Variants in PPM1G observed in about 807,000 individuals in gnomAD.
PPM1G encodes protein phosphatase, Mg2+/Mn2+ dependent 1G, also known as protein phosphatase 1G.
PPM1G carries 12 observed loss-of-function variants against 59.4 expected under a neutral mutation model. The observed-to-expected ratio is 0.20, with a 90% CI of 0.13 to 0.33. PPM1G has a LOEUF of 0.33. Among genes scored for constraint, PPM1G ranks in the 10% least tolerant of loss-of-function variants. The probability of loss-of-function intolerance (pLI) is 1.00; values close to 1 mark genes in which losing one functional copy is unlikely to be tolerated. For synonymous variants in PPM1G, 245 were observed against 251.9 expected, an observed-to-expected ratio of 0.97 and a Z score of 0.26; for missense variants, 392 against 681.3, an observed-to-expected ratio of 0.58 and a Z score of 4.73.
chr2:27,386,380 G>A (rs1159988819), intron 2 of PPM1G, 101 bp from the exon 3 acceptor site: 1 of 846,146 alleles, frequency 1.2e-6, no homozygotes, highest in Non-Finnish European at 2.0e-6. Context: ...CAAGGGTTGA[G>A]GGGATAAATA....
chr2:27,405,184 C>T (rs1285684665), intron 1 of PPM1G, among the ~76,000 whole-genome samples: 2 of 151,094 alleles, frequency 1.3e-5, no homozygotes, highest in African/African-American at 4.9e-5. Flanking sequence ...AGCGATTCTC[C>T]TGCCTCAGCC....
chr2:27,401,497 T>G (rs1684179030), intron 1 of PPM1G, among the ~76,000 whole-genome samples: 1 of 152,164 alleles, frequency 6.6e-6, no homozygotes, highest in Non-Finnish European at 1.5e-5. Flanking sequence ...GTTCTAAAAC[T>G]GATTGTGGTG....
chr2:27,400,918 G>T (rs1204451683), intron 1 of PPM1G, among the ~76,000 whole-genome samples: 1 of 152,184 alleles, frequency 6.6e-6, no homozygotes, highest in Admixed American at 6.5e-5. Context: ...TCCATCCAAA[G>T]GAGTCCAGCA....
intron 1 of PPM1G, among the ~76,000 whole-genome samples, chr2:27,398,620 G>A (rs1029952115): frequency 9.2e-5 from 14 of 151,570 alleles, no homozygotes; most frequent in African/African-American, 1.9e-4. Context: ...TCAAGAGATC[G>A]AGACTATCCT....
In PPM1G at chr2:27,384,898, A is replaced by G. The variant is rs1683725623; in HGVS notation, c.600T>C (p.Pro200=). The part of the protein sequence containing the change: ...AGPEDSTRET[P]SQENGPTAKA... ...TGGCTGTGGGGCCATTTTCTTGTGA[A>G]GGAGTTTCCCTAGTTGAGTCCTCAG... is the stretch of plus-strand genomic sequence containing the variant. Residue 200 remains proline, a synonymous_variant, in exon 5 of 10, where the codon CCT becomes CCC. Transcript: ENST00000344034. The surrounding 1 kb of genome is among the most constrained non-coding windows in gnomAD (Gnocchi z 4.8). 1 of 1,614,196 alleles carries G rather than the reference A, an allele frequency of 6.2e-7. No homozygotes were observed. Among genetic ancestry groups the G allele is most frequent in the Non-Finnish European group, 8.5e-7 (1 of 1,180,044 alleles).
chr2:27,393,494 G>A (rs1051076336), intron 1 of PPM1G: 5 of 723,870 alleles, frequency 6.9e-6, no homozygotes, highest in East Asian at 2.7e-5. Context: ...ATGGGCGGCC[G>A]GCCGGGGTGC....
chr2:27,386,056 G>A, intron 3 of PPM1G, 138 bp downstream of exon 3: 1 of 1,236,992 alleles, frequency 8.1e-7, no homozygotes, highest in East Asian at 2.3e-5. Flanking sequence ...CGGCCAATAA[G>A]CTCGTTTTAG....
intron 1 of PPM1G, among the ~76,000 whole-genome samples, chr2:27,391,397 T>C (rs1002773957): frequency 6.6e-6 from 1 of 152,224 alleles, no homozygotes. Flanking sequence ...TGAGATGGTA[T>C]CTCTTTGTGG....
intron 1 of PPM1G, among the ~76,000 whole-genome samples, chr2:27,399,950 C>CAAAAA (rs56786173): frequency 9.3e-6 from 1 of 107,142 alleles, no homozygotes; most frequent in Non-Finnish European, 1.9e-5. Flanking sequence ...TTTATAATAG[C>CAAAAA]AAAAAAAAAA....
At chr2:27,381,837 G>C (rs767892939) in intron 9 of PPM1G, 32 bp from the exon 10 acceptor site, 1 of 1,601,754 alleles carries the variant, frequency 6.2e-7, no homozygotes, top group Non-Finnish European at 8.5e-7. Context: ...CTCAGCCACA[G>C]GGTTTGAACA....
At position 27,384,184 on chromosome 2, in the gene PPM1G, A is replaced by G. The variant is rs1157911947; in HGVS notation, c.826-92T>C. ...CAGAATCAAGAGGTCCTGACTGAAC[A>G]CAGGTCCTCAAAACACTGAAAGATA... On this transcript the variant is annotated intron_variant, in intron 5 of 9. Transcript: ENST00000344034. This position sits in a 1 kb window ranked among gnomAD's most constrained non-coding sequence, Gnocchi z 4.8. 6.4e-7 allele frequency: 1 copy of G among 1,569,114 alleles called. No homozygotes were observed. Among genetic ancestry groups the G allele is most frequent in the Non-Finnish European group, 8.6e-7 (1 of 1,156,820 alleles).
chr2:27,392,286 GTT>G (rs70953857), intron 1 of PPM1G, among the ~76,000 whole-genome samples: 80 of 70,410 alleles, frequency 1.1e-3, no homozygotes, highest in Admixed American at 3.8e-3. Flanking sequence ...GGTTTGTTTT[GTT>G]TTTTTTTTTT....
chr2:27,383,387 G>A lies in PPM1G; in HGVS notation c.1180C>T (p.Leu394Phe), dbSNP rs773422459. 6.2e-7 allele frequency: 1 copy of A among 1,614,110 alleles called. No homozygotes were observed. The highest frequency in any genetic ancestry group is 8.5e-7 in the Non-Finnish European group (1 of 1,180,016). Residue 394 changes from leucine to phenylalanine, a missense_variant, in exon 7 of 10, where the codon CTC becomes TTC. Coordinates refer to ENST00000344034, the MANE Select transcript of PPM1G (RefSeq NM_177983.3). The surrounding 1 kb of genome is among the most constrained non-coding windows in gnomAD (Gnocchi z 5.0). Reference sequence around the variant, plus strand: ...TTACCAATGGCTCTGGAGAGGTTGAGGCCCCCGTTGACTCGCCCATCCATG... The same window carrying A: ...TTACCAATGGCTCTGGAGAGGTTGAAGCCCCCGTTGACTCGCCCATCCATG... Reference protein sequence around the residue: ...VTMDGRVNGGLNLSRAIGDHF... With the variant: ...VTMDGRVNGGFNLSRAIGDHF...
In PPM1G at chr2:27,381,546, C is replaced by G. The variant is rs987705309; in HGVS notation, c.*53G>C. On this transcript the variant is annotated 3_prime_UTR_variant, in exon 10 of 10. Transcript: ENST00000344034. ...AAAGGAAAAAGACAAAACTCAGTCTCAGGTCCGGAGGGCTCAGAAAACAGT... is the reference window on the plus strand; with the variant it reads ...AAAGGAAAAAGACAAAACTCAGTCTGAGGTCCGGAGGGCTCAGAAAACAGT... 33 of 1,602,080 alleles carry G rather than the reference C, an allele frequency of 2.1e-5. No homozygotes were observed. In the African/African-American group the frequency reaches 3.9e-4, roughly 19 times the overall value.
intron 1 of PPM1G, among the ~76,000 whole-genome samples, chr2:27,404,281 C>G (rs1484651927): frequency 1.3e-5 from 2 of 152,126 alleles, no homozygotes; most frequent in African/African-American, 4.8e-5. Context: ...GGCACGGTAG[C>G]TCACATCTGT....
chr2:27,394,917 G>C (rs961921340), intron 1 of PPM1G, among the ~76,000 whole-genome samples: 1 of 151,472 alleles, frequency 6.6e-6, no homozygotes. Flanking sequence ...ATTAGAATAG[G>C]AACTATTAAA....
At chr2:27,408,725 G>A (rs1572672039) in intron 1 of PPM1G, among the ~76,000 whole-genome samples, 2 of 152,136 alleles carry the variant, frequency 1.3e-5, no homozygotes, top group Non-Finnish European at 2.9e-5. Context: ...TGAAAAGAGT[G>A]CAAATGAGTG....
rs897249357 is a variant in PPM1G, at chr2:27,385,210, C to T, written c.410-122G>A. 1.7e-6 allele frequency: 2 copies of T among 1,148,156 alleles called. No homozygotes were observed. Among genetic ancestry groups the T allele is most frequent in the African/African-American group, 1.6e-5 (1 of 64,424 alleles). The allele number at this position is 1,148,156 out of a possible 1,614,324, so 71.1% of individuals were successfully genotyped here. A position where few individuals can be genotyped will look rare whatever the true frequency, so the allele number is the denominator to read the frequency against. On this transcript the variant is annotated intron_variant, in intron 4 of 9. Coordinates refer to ENST00000344034, the MANE Select transcript of PPM1G (RefSeq NM_177983.3). The surrounding 1 kb of genome is among the most constrained non-coding windows in gnomAD (Gnocchi z 4.1). ...CCACAACCTCCCACTCCCAAGGTTC[C>T]TCTCGCTCAAGTCTCAGAAGAACAT...
At chr2:27,393,915 C>T (rs1469157914) in intron 1 of PPM1G, among the ~76,000 whole-genome samples, 1 of 152,144 alleles carries the variant, frequency 6.6e-6, no homozygotes, top group African/African-American at 2.4e-5. Context: ...AGGTGCCTGC[C>T]AAGACGCTCG....
Sources: allele counts gnomAD v4.1 joint callset (sites outside exome capture counted in the v4.1 genomes callset), GRCh38; gene constraint gnomAD v4.1.1; non-coding constraint Gnocchi (gnomAD v3.1); transcripts MANE v1.5; gene names NCBI Gene and HGNC (gene_info 2026-07-23, HGNC 2026-07-21).